Variants in NUFIP1 observed in about 807,000 individuals in gnomAD.
NUFIP1 encodes nuclear FMR1 interacting protein 1, also known as FMR1-interacting protein NUFIP1.
In NUFIP1, 38 loss-of-function variants were observed where a neutral mutation model predicts 56.2. The observed-to-expected ratio is 0.68, with a 90% CI of 0.52 to 0.89. The LOEUF (loss-of-function observed/expected upper bound fraction) is 0.89, where lower values mean the gene tolerates loss of function less well. Ranked by LOEUF, NUFIP1 falls within the 40% of genes least tolerant of loss-of-function variation. The probability of loss-of-function intolerance (pLI) is 0.00; values close to 1 mark genes in which losing one functional copy is unlikely to be tolerated. For missense variants in NUFIP1, 567 were observed against 605.8 expected (o/e 0.94, Z 0.67); for synonymous variants, 215 against 212.4 (o/e 1.01, Z -0.10).
intron 1 of NUFIP1, among the ~76,000 whole-genome samples, chr13:44,982,629 A>G (rs147204423): frequency 1.3e-5 from 2 of 152,114 alleles, no homozygotes; most frequent in East Asian, 3.9e-4. Context: ...CTTCCAGTTC[A>G]TAAGCCCCCT....
chr13:44,956,025 C>A (rs1049263706), intron 7 of NUFIP1, among the ~76,000 whole-genome samples: 1 of 151,554 alleles, frequency 6.6e-6, no homozygotes, highest in African/African-American at 2.4e-5. Flanking sequence ...CGCCTGTAGT[C>A]CCAGCTACTC....
At chr13:44,981,477 A>C (rs1364772326) in intron 2 of NUFIP1, among the ~76,000 whole-genome samples, 2 of 152,244 alleles carry the variant, frequency 1.3e-5, no homozygotes, top group Non-Finnish European at 2.9e-5. Context: ...AAAGTTACAC[A>C]CAAACTTCTG....
intron 5 of NUFIP1, among the ~76,000 whole-genome samples, chr13:44,972,323 A>G (rs867086624): frequency 6.6e-6 from 1 of 152,256 alleles, no homozygotes; most frequent in South Asian, 2.1e-4. Flanking sequence ...AATACTCGGC[A>G]ATAAAAAACA....
intron 1 of NUFIP1, among the ~76,000 whole-genome samples, chr13:44,988,518 A>T (rs1872517433): frequency 6.6e-6 from 1 of 152,110 alleles, no homozygotes; most frequent in Non-Finnish European, 1.5e-5. Context: ...ATCTCTCTCC[A>T]TGCCACTCAA....
chr13:44,962,078 G>A (rs1169870449), intron 6 of NUFIP1, among the ~76,000 whole-genome samples: 1 of 151,992 alleles, frequency 6.6e-6, no homozygotes, highest in Non-Finnish European at 1.5e-5. Context: ...ATAAAATGGA[G>A]AGATTAATAA....
In NUFIP1 at chr13:44,988,603, A is replaced by T. The variant is rs79499785; in HGVS notation, c.412+422T>A. ...AAGAGAGATAATATTAAGCTCCATA[A>T]TATTTTTTGTATGTTCTGCTCACTG... On this transcript the variant is annotated intron_variant, in intron 1 of 9. Coordinates refer to ENST00000379161, the MANE Select transcript of NUFIP1 (RefSeq NM_012345.3). Among the ~76,000 whole-genome samples, 772 of 152,296 alleles carry T rather than the reference A, an allele frequency of 5.1e-3. 11 individuals carry two copies. The highest frequency in any genetic ancestry group is 0.018 in the African/African-American group (750 of 41,562).
chr13:44,980,078 C>CCTG, intron 3 of NUFIP1, 126 bp from the exon 4 acceptor site: 1 of 605,378 alleles, frequency 1.7e-6, no homozygotes, highest in South Asian at 2.8e-5. Flanking sequence ...ATAGTATTAT[C>CCTG]TCTGCATACA....
At chr13:44,987,900 CT>C (rs1391004145) in intron 1 of NUFIP1, among the ~76,000 whole-genome samples, 1 of 152,226 alleles carries the variant, frequency 6.6e-6, no homozygotes, top group Non-Finnish European at 1.5e-5. Context: ...CATACCAGGT[CT>C]TACCCTCCTC....
At chr13:44,976,129 G>GGA (rs925480396) in intron 5 of NUFIP1, among the ~76,000 whole-genome samples, 6 of 152,080 alleles carry the variant, frequency 3.9e-5, no homozygotes, top group African/African-American at 1.5e-4. Flanking sequence ...GTAGTAGGGG[G>GGA]AAAAAACCTA....
chr13:44,944,431 T>C (rs1277275139), intron 8 of NUFIP1, among the ~76,000 whole-genome samples: 1 of 152,088 alleles, frequency 6.6e-6, no homozygotes, highest in Non-Finnish European at 1.5e-5. Flanking sequence ...TAAGAACAGA[T>C]TTTCAATATG....
chr13:44,969,230 A>C (rs1395569399), intron 5 of NUFIP1, among the ~76,000 whole-genome samples: 1 of 152,180 alleles, frequency 6.6e-6, no homozygotes, highest in African/African-American at 2.4e-5. Context: ...ATGGTTGCTA[A>C]AAAGCACATT....
chr13:44,964,340 C>T (rs1871524305), intron 6 of NUFIP1, among the ~76,000 whole-genome samples: 1 of 152,120 alleles, frequency 6.6e-6, no homozygotes, highest in African/African-American at 2.4e-5. Flanking sequence ...TATCCTCCTA[C>T]CTGAAATAAC....
At chr13:44,960,478 G>T (rs545396799) in intron 6 of NUFIP1, among the ~76,000 whole-genome samples, 1 of 152,108 alleles carries the variant, frequency 6.6e-6, no homozygotes, top group South Asian at 2.1e-4. Context: ...TGTTGGCCAG[G>T]ATGGTCTCGA....
chr13:44,955,959 C>G (rs9534011), intron 7 of NUFIP1, among the ~76,000 whole-genome samples: 5 of 151,226 alleles, frequency 3.3e-5, no homozygotes, highest in African/African-American at 1.2e-4. Context: ...CTGGCTAACA[C>G]GGTGAAACCC....
Position 44,987,873 on chromosome 13 carries a change from C to A in NUFIP1, c.412+1152G>T, listed in dbSNP as rs988960263. Among the ~76,000 whole-genome samples, 3 of 152,188 alleles carry A rather than the reference C, an allele frequency of 2.0e-5. No individual in the cohort carries two copies. The East Asian group carries it at 5.8e-4, about 29-fold the overall frequency. On this transcript the variant is annotated intron_variant, in intron 1 of 9. Coordinates refer to ENST00000379161, the MANE Select transcript of NUFIP1 (RefSeq NM_012345.3). Reference sequence around the variant, plus strand: ...ACCTCACAACAGTAAAAGTCAAAGTCCCACGATCTACAAAGACATACCAGG... The same window carrying A: ...ACCTCACAACAGTAAAAGTCAAAGTACCACGATCTACAAAGACATACCAGG...
intron 1 of NUFIP1, among the ~76,000 whole-genome samples, chr13:44,984,767 G>A (rs941543635): frequency 6.6e-6 from 1 of 152,090 alleles, no homozygotes; most frequent in Non-Finnish European, 1.5e-5. Context: ...GTGCAGGTTA[G>A]TTACATATGT....
In NUFIP1 at chr13:44,965,909, T is replaced by G; in HGVS notation, c.762A>C (p.Glu254Asp). The G allele has an allele frequency of 1.9e-6, 3 of 1,598,792 alleles. No homozygotes were observed. Among genetic ancestry groups the G allele is most frequent in the Non-Finnish European group, 1.7e-6 (2 of 1,173,154 alleles). The change falls in exon 6 of 10, where the codon GAA becomes GAC. Residue 254 changes from glutamate to aspartate, a missense_variant. Physicochemically the swap from Glu to Asp is conservative, Grantham distance 45 (BLOSUM62 2). Transcript: ENST00000379161. ...TTTCAAGTTTTAACTTCTTCTTCCT[T>G]TCAATATTGGCCAGAGTTGGATAGT... ...RKNYPTLANI[E>D]RKKKLKLEKE...
chr13:44,942,797 A>C (rs1283529178), intron 9 of NUFIP1, among the ~76,000 whole-genome samples: 3 of 152,008 alleles, frequency 2.0e-5, no homozygotes, highest in Non-Finnish European at 4.4e-5. Flanking sequence ...AACACAAATA[A>C]ATAAAGGTGT....
At chr13:44,966,413 C>T (rs967405273) in intron 5 of NUFIP1, among the ~76,000 whole-genome samples, 3 of 152,056 alleles carry the variant, frequency 2.0e-5, no homozygotes, top group African/African-American at 7.2e-5. Context: ...CTCCTGGGTT[C>T]AAGCAATTCT....
Sources: gnomAD v4.1 joint callset for allele counts (sites outside exome capture counted in the v4.1 genomes callset) on GRCh38, gnomAD v4.1.1 for gene constraint, MANE v1.5 for transcripts, NCBI Gene and HGNC (gene_info 2026-07-23, HGNC 2026-07-21) for gene names.